The following ORC5 variants were observed in gnomAD, a reference collection of about 807,000 sequenced individuals.
The protein encoded by ORC5 is protein phosphatase 1, regulatory subunit 117.
A neutral mutation model predicts 58.8 loss-of-function variants in ORC5; 39 were observed. The observed-to-expected ratio is 0.66, with a 90% CI of 0.51 to 0.87. The LOEUF (loss-of-function observed/expected upper bound fraction) is 0.87, where lower values mean the gene tolerates loss of function less well. Ranked by LOEUF, ORC5 falls within the 40% of genes least tolerant of loss-of-function variation. ORC5 has a pLI of 0.00. For synonymous variants in ORC5, 218 were observed against 177.6 expected, an observed-to-expected ratio of 1.23 and a Z score of -1.81; for missense variants, 493 against 506.3, an observed-to-expected ratio of 0.97 and a Z score of 0.25.
At chr7:104,179,546 T>C (rs1799392592) in intron 8 of ORC5, among the ~76,000 whole-genome samples, 1 of 152,124 alleles carries the variant, frequency 6.6e-6, no homozygotes. Flanking sequence ...GAAGTTTTTT[T>C]TTTTCCTAAG....
In ORC5 at chr7:104,138,838, G is replaced by A. The variant is rs966656970; in HGVS notation, c.1150-1945C>T. Among the ~76,000 whole-genome samples, 4 of 152,144 alleles carry A rather than the reference G, an allele frequency of 2.6e-5. No individual in the cohort carries two copies. The highest frequency in any genetic ancestry group is 1.3e-4 in the Admixed American group (2 of 15,272). Reference sequence around the variant, plus strand: ...TGCTTTAAAACTTATTGCTGATCGTGTACTCAGGAAAACACCAGAAGGATT... The same window carrying A: ...TGCTTTAAAACTTATTGCTGATCGTATACTCAGGAAAACACCAGAAGGATT... On this transcript the variant is annotated intron_variant, in intron 12 of 13. Coordinates refer to ENST00000297431, the MANE Select transcript of ORC5 (RefSeq NM_002553.4). The surrounding 1 kb of genome is among the most constrained non-coding windows in gnomAD (Gnocchi z 4.7).
At chr7:104,198,396 T>C (rs1159663203) in intron 3 of ORC5, among the ~76,000 whole-genome samples, 10 of 152,274 alleles carry the variant, frequency 6.6e-5, no homozygotes, top group Admixed American at 1.3e-4. Flanking sequence ...GAGGAACTAA[T>C]TGGGGACAGG....
chr7:104,196,969 C>T (rs919711439), intron 4 of ORC5, among the ~76,000 whole-genome samples: 1 of 152,078 alleles, frequency 6.6e-6, no homozygotes, highest in Non-Finnish European at 1.5e-5. Flanking sequence ...ATTACAAAAC[C>T]CTGTTTCATC....
intron 12 of ORC5, among the ~76,000 whole-genome samples, chr7:104,148,691 A>G (rs1030201397): frequency 1.3e-5 from 2 of 152,198 alleles, no homozygotes; most frequent in Non-Finnish European, 2.9e-5. Flanking sequence ...CATAAGTCAG[A>G]TTATATATTA....
At chr7:104,141,551 T>C (rs1291195203) in intron 12 of ORC5, among the ~76,000 whole-genome samples, 1 of 152,184 alleles carries the variant, frequency 6.6e-6, no homozygotes, top group Non-Finnish European at 1.5e-5. Context: ...CATAATAATC[T>C]TTCAGCCACA....
In ORC5 at chr7:104,175,742, ACCAAAACCACCCTGCTAAAACGCTT is replaced by A. The variant is rs1012635262; in HGVS notation, c.825-7242_825-7218del. On this transcript the variant is annotated intron_variant, in intron 8 of 13. Coordinates refer to ENST00000297431, the MANE Select transcript of ORC5 (RefSeq NM_002553.4). ...CAGGGACTAGAAAAAGCTGAAACAA[ACCAAAACCACCCTGCTAAAACGCTT>A]CCAAAACCACCCTGCTAAAACGCTT... 4.6e-4 allele frequency among the ~76,000 whole-genome samples: 70 copies of A among 152,174 alleles called. 1 individual carries two copies. The South Asian group carries it at 7.1e-3, about 15-fold the overall frequency.
chr7:104,144,738 C>G (rs901436230), intron 12 of ORC5, among the ~76,000 whole-genome samples: 1 of 152,188 alleles, frequency 6.6e-6, no homozygotes, highest in Non-Finnish European at 1.5e-5. Flanking sequence ...CCCTGGGCAA[C>G]AGAACGAGAC....
At chr7:104,193,235 T>C (rs1799715856) in intron 5 of ORC5, among the ~76,000 whole-genome samples, 3 of 152,062 alleles carry the variant, frequency 2.0e-5, no homozygotes, top group African/African-American at 7.2e-5. Context: ...ATAATAATAG[T>C]TGAGGTTTTA....
At chr7:104,171,817 T>C (rs1799216185) in intron 8 of ORC5, among the ~76,000 whole-genome samples, 1 of 152,088 alleles carries the variant, frequency 6.6e-6, no homozygotes, top group African/African-American at 2.4e-5. Flanking sequence ...ATCTTGCCAC[T>C]GCACTCCAGC....
chr7:104,130,620 C>A (rs746047111), intron 13 of ORC5, among the ~76,000 whole-genome samples: 1 of 152,208 alleles, frequency 6.6e-6, no homozygotes, highest in Non-Finnish European at 1.5e-5. Flanking sequence ...CCAAGACCTG[C>A]GTCAGCCTAG....
chr7:104,136,769 A>G lies in ORC5; in HGVS notation c.1262+12T>C. On this transcript the variant is annotated intron_variant, in intron 13 of 13. Coordinates refer to ENST00000297431, the MANE Select transcript of ORC5 (RefSeq NM_002553.4). The surrounding 1 kb of genome is among the most constrained non-coding windows in gnomAD (Gnocchi z 4.2). The stretch of plus-strand genomic sequence containing the variant: ...TATTTAGTATATCATTACATAATTC[A>G]AGACATTTTACCTTGCAATAGCTCT... 1.3e-6 allele frequency: 2 copies of G among 1,526,582 alleles called. No homozygotes were observed. The highest frequency in any genetic ancestry group is 1.8e-6 in the Non-Finnish European group (2 of 1,100,710). 94.6% of individuals were successfully genotyped at this position (1,526,582 alleles called of 1,614,324 possible).
intron 8 of ORC5, among the ~76,000 whole-genome samples, chr7:104,181,241 T>C (rs1799425018): frequency 6.6e-6 from 1 of 152,222 alleles, no homozygotes; most frequent in Non-Finnish European, 1.5e-5. Flanking sequence ...AATCTACCTA[T>C]AGTTTATAGT....
chr7:104,163,861 T>TCAGTAGATATTGTCAACCTGCAG (rs1430293582), intron 11 of ORC5, among the ~76,000 whole-genome samples: 1 of 152,208 alleles, frequency 6.6e-6, no homozygotes, highest in East Asian at 1.9e-4. Context: ...CATATTAACT[T>TCAGTAGATATTGTCAACCTGCAG]CAGTAGATAT....
intron 8 of ORC5, among the ~76,000 whole-genome samples, chr7:104,177,219 A>G (rs1799340242): frequency 6.6e-6 from 1 of 152,234 alleles, no homozygotes. Context: ...ACATTTACAA[A>G]TAGTTGAATT....
intron 1 of ORC5, among the ~76,000 whole-genome samples, chr7:104,205,793 G>A (rs947284287): frequency 1.3e-5 from 2 of 152,328 alleles, no homozygotes; most frequent in Non-Finnish European, 2.9e-5. Context: ...AAGGCAGGCA[G>A]ATCACTTGAG....
At chr7:104,206,740 C>A (rs1223476681) in intron 1 of ORC5, among the ~76,000 whole-genome samples, 3 of 152,154 alleles carry the variant, frequency 2.0e-5, no homozygotes, top group Non-Finnish European at 4.4e-5. Context: ...ACCACATATA[C>A]AACAGTGATC....
intron 12 of ORC5, among the ~76,000 whole-genome samples, chr7:104,139,056 A>C (rs764812021): frequency 6.6e-6 from 1 of 152,220 alleles, no homozygotes; most frequent in Non-Finnish European, 1.5e-5. Flanking sequence ...CAGCAGGAAA[A>C]AGAGTCAGCA....
intron 8 of ORC5, among the ~76,000 whole-genome samples, chr7:104,169,510 A>G (rs1333080136): frequency 6.8e-6 from 1 of 147,354 alleles, no homozygotes; most frequent in Non-Finnish European, 1.5e-5. Flanking sequence ...TGAATAGTTT[A>G]CTCATAAAAA....
At chr7:104,184,817 G>A (rs1410009199) in intron 6 of ORC5, among the ~76,000 whole-genome samples, 1 of 151,968 alleles carries the variant, frequency 6.6e-6, no homozygotes, top group African/African-American at 2.4e-5. Flanking sequence ...AGACTTGAGG[G>A]TCTGACACCT....
Sources: gnomAD v4.1 joint callset for allele counts (sites outside exome capture counted in the v4.1 genomes callset) on GRCh38, gnomAD v4.1.1 for gene constraint, Gnocchi (gnomAD v3.1) non-coding constraint, MANE v1.5 for transcripts, NCBI Gene and HGNC (gene_info 2026-07-23, HGNC 2026-07-21) for gene names.